CSMD1: variants seen among roughly 807,000 people sequenced by gnomAD.
The protein encoded by CSMD1 is CUB and Sushi multiple domains 1.
Under a neutral mutation model 417.5 loss-of-function variants are expected in CSMD1, and 213 were observed. The ratio of observed to expected loss-of-function variants is 0.51; its 90% CI spans 0.46 to 0.57. CSMD1 has a LOEUF of 0.57. CSMD1 is among the 20% of genes least tolerant of loss of function. CSMD1 has a pLI of 0.00. For missense variants in CSMD1, 6,923 were observed against 4,529.7 expected (o/e 1.53, Z -15.17); for synonymous variants, 2,862 against 1,736.8 (o/e 1.65, Z -16.11).
chr8:4,782,811 G>C (rs1026618392), intron 1 of CSMD1, among the ~76,000 whole-genome samples: 1 of 151,862 alleles, frequency 6.6e-6, no homozygotes, highest in South Asian at 2.1e-4. Flanking sequence ...TTTTCACATG[G>C]TCCACCAATT....
chr8:4,311,037 A>T (rs557444196), intron 3 of CSMD1, among the ~76,000 whole-genome samples: 2 of 152,222 alleles, frequency 1.3e-5, no homozygotes, highest in African/African-American at 4.8e-5. Flanking sequence ...GGGAACACTT[A>T]TACACCACTG....
At chr8:3,851,304 C>A (rs1020818565) in intron 5 of CSMD1, among the ~76,000 whole-genome samples, 1 of 152,168 alleles carries the variant, frequency 6.6e-6, no homozygotes, top group Admixed American at 6.5e-5. Context: ...TTCATATTGA[C>A]ATTACACACA....
At chr8:3,621,997 G>C (rs1256180983) in intron 7 of CSMD1, among the ~76,000 whole-genome samples, 1 of 151,174 alleles carries the variant, frequency 6.6e-6, no homozygotes, top group East Asian at 1.9e-4. Context: ...GTGTATGTGT[G>C]TGTGTGTGTG....
At chr8:4,338,385 T>C (rs1800292679) in intron 3 of CSMD1, among the ~76,000 whole-genome samples, 2 of 152,076 alleles carry the variant, frequency 1.3e-5, no homozygotes, top group Non-Finnish European at 2.9e-5. Flanking sequence ...GTTTGCAAAT[T>C]ACGTAAAAGT....
intron 42 of CSMD1, among the ~76,000 whole-genome samples, chr8:3,115,572 T>A (rs943317393): frequency 6.6e-5 from 10 of 152,206 alleles, no homozygotes; most frequent in Admixed American, 6.5e-4. Context: ...AGAAAAATAA[T>A]GTCTTCAATT....
At chr8:3,251,958 T>C (rs1004767559) in intron 26 of CSMD1, among the ~76,000 whole-genome samples, 2 of 152,244 alleles carry the variant, frequency 1.3e-5, no homozygotes, top group Non-Finnish European at 2.9e-5. Context: ...CTTAAGGATA[T>C]TTTGGGCTGA....
At chr8:3,077,309 C>A (rs1265214773) in intron 49 of CSMD1, among the ~76,000 whole-genome samples, 1 of 152,180 alleles carries the variant, frequency 6.6e-6, no homozygotes, top group African/African-American at 2.4e-5. Flanking sequence ...GCCTAGGTCC[C>A]CCCAAGACAC....
chr8:4,906,604 G>A (rs1209162831), intron 1 of CSMD1, among the ~76,000 whole-genome samples: 1 of 150,230 alleles, frequency 6.7e-6, no homozygotes. Flanking sequence ...TGTCGACCAG[G>A]TTGAAGTGCA....
intron 2 of CSMD1, among the ~76,000 whole-genome samples, chr8:4,579,561 A>G (rs191468063): frequency 6.6e-6 from 1 of 152,112 alleles, no homozygotes; most frequent in African/African-American, 2.4e-5. Flanking sequence ...ATGGGGTCTC[A>G]GCATGTTAGC....
intron 3 of CSMD1, among the ~76,000 whole-genome samples, chr8:4,190,666 T>G (rs934366080): frequency 9.2e-5 from 14 of 152,200 alleles, no homozygotes; most frequent in African/African-American, 3.1e-4. Context: ...AATCTTTGAC[T>G]ATATAACCAG....
chr8:3,250,454 G>A (rs984291857), intron 26 of CSMD1, among the ~76,000 whole-genome samples: 10 of 152,126 alleles, frequency 6.6e-5, no homozygotes, highest in Non-Finnish European at 2.9e-5. Flanking sequence ...AATCCAGTCT[G>A]TCATTGTTGG....
intron 2 of CSMD1, among the ~76,000 whole-genome samples, chr8:4,515,684 G>A (rs764947792): frequency 9.9e-5 from 15 of 152,148 alleles, no homozygotes; most frequent in Non-Finnish European, 1.8e-4. Flanking sequence ...TGGTAAGCAA[G>A]ATGAGGCTGT....
intron 1 of CSMD1, among the ~76,000 whole-genome samples, chr8:4,857,009 C>A (rs1373948568): frequency 6.7e-6 from 1 of 148,988 alleles, no homozygotes; most frequent in African/African-American, 2.5e-5. Context: ...TGACCACATA[C>A]TGGGAAGTAA....
intron 4 of CSMD1, among the ~76,000 whole-genome samples, chr8:4,008,019 T>A (rs1563312339): frequency 1.3e-5 from 2 of 152,220 alleles, no homozygotes; most frequent in African/African-American, 2.4e-5. Flanking sequence ...AGAGGTTTAT[T>A]TGTGTGTTTT....
At chr8:3,293,243 C>G (rs1457018016) in intron 25 of CSMD1, among the ~76,000 whole-genome samples, 1 of 152,160 alleles carries the variant, frequency 6.6e-6, no homozygotes, top group African/African-American at 2.4e-5. Context: ...ACCTTTCTCT[C>G]TGGCTGCCTT....
intron 25 of CSMD1, among the ~76,000 whole-genome samples, chr8:3,299,497 T>A (rs980913037): frequency 2.0e-5 from 3 of 152,148 alleles, no homozygotes; most frequent in South Asian, 2.1e-4. Flanking sequence ...AGGAACTCTG[T>A]GATATCAGAT....
intron 26 of CSMD1, among the ~76,000 whole-genome samples, chr8:3,280,188 A>G (rs535830308): frequency 1.3e-5 from 2 of 150,386 alleles, no homozygotes; most frequent in African/African-American, 4.8e-5. Context: ...TTGCCTCGAG[A>G]GCCACAGAGT....
At chr8:4,764,889 A>AAAAAAAAAAAAAAAAAC (rs1377665114) in intron 1 of CSMD1, among the ~76,000 whole-genome samples, 1 of 39,994 alleles carries the variant, frequency 2.5e-5, no homozygotes, top group African/African-American at 9.3e-5. Flanking sequence ...AAAAAAAAAA[A>AAAAAAAAAAAAAAAAAC]AAAAACAACA....
intron 37 of CSMD1, among the ~76,000 whole-genome samples, chr8:3,165,653 T>TG (rs1297024891): frequency 3.3e-5 from 5 of 151,986 alleles, no homozygotes; most frequent in Admixed American, 3.3e-4. Flanking sequence ...AGGGTGGTCT[T>TG]GAACTCCTGA....
Sources: gnomAD v4.1 joint callset for allele counts (sites outside exome capture counted in the v4.1 genomes callset) on GRCh38, gnomAD v4.1.1 for gene constraint, MANE v1.5 for transcripts, NCBI Gene and HGNC (gene_info 2026-07-23, HGNC 2026-07-21) for gene names.